SVIL: variants seen among roughly 807,000 people sequenced by gnomAD.
The protein encoded by SVIL is archvillin.
Under a neutral mutation model 240.4 loss-of-function variants are expected in SVIL, and 101 were observed. That is an observed-to-expected ratio of 0.42 (90% CI 0.36 to 0.50). The LOEUF is 0.50. SVIL is among the 20% of genes least tolerant of loss of function. SVIL has a pLI of 0.01. For synonymous variants in SVIL, 999 were observed against 1,100.0 expected (o/e 0.91, Z 1.82); for missense variants, 2,512 against 2,818.7 (o/e 0.89, Z 2.46).
chr10:29,458,404 C>T, intron 37 of SVIL, 30 bp downstream of exon 37: 1 of 1,600,604 alleles, frequency 6.2e-7, no homozygotes, highest in South Asian at 1.1e-5. Flanking sequence ...GTTTTACTCC[C>T]ATCCCCACCC....
intron 1 of SVIL, among the ~76,000 whole-genome samples, chr10:29,570,855 T>C (rs949859399): frequency 1.3e-5 from 2 of 152,202 alleles, no homozygotes; most frequent in African/African-American, 2.4e-5. Context: ...TTTGGAGAAA[T>C]GTGTATAAGT....
chr10:29,702,035 C>T (rs1011373827), intron 1 of SVIL, among the ~76,000 whole-genome samples: 3 of 151,692 alleles, frequency 2.0e-5, no homozygotes, highest in African/African-American at 4.8e-5. Flanking sequence ...ATTAGCCGGG[C>T]GTGGTGGCAG....
rs778714530 is a variant in SVIL, at chr10:29,488,681, A to G, written c.4268T>C (p.Leu1423Pro). ...ASKENFSNVS[L>P]RSVNLTEQNS... ...CTGTTCCGTCAGGTTGACGCTCCGC[A>G]GGCTGACGTTGCTGAAGTTTTCTTT... The change falls in exon 23 of 38, where the codon CTG becomes CCG. Residue 1423 changes from leucine to proline, a missense_variant. This residue lies in a region of SVIL where 272 missense variants were observed against 406.8 expected (regional missense o/e 0.67). Transcript: ENST00000355867. The G allele has an allele frequency of 4.3e-6, 7 of 1,613,068 alleles. No homozygotes were observed. Among genetic ancestry groups the G allele is most frequent in the Non-Finnish European group, 5.9e-6 (7 of 1,179,606 alleles).
chr10:29,688,859 C>G (rs576848397), intron 1 of SVIL, among the ~76,000 whole-genome samples: 1 of 152,118 alleles, frequency 6.6e-6, no homozygotes, highest in East Asian at 1.9e-4. Context: ...AATGTGAAAA[C>G]AGAGAAAAAT....
chr10:29,535,466 C>T (rs1816681751), intron 7 of SVIL, among the ~76,000 whole-genome samples: 1 of 152,168 alleles, frequency 6.6e-6, no homozygotes. Context: ...CCTCTCCCTG[C>T]CCCCAGTCTT....
rs1350517928 is a variant in SVIL, at chr10:29,512,848, T to C, written c.3403A>G (p.Lys1135Glu). 18 of 1,610,462 alleles carry C rather than the reference T, an allele frequency of 1.1e-5. No homozygotes were observed. The highest frequency in any genetic ancestry group is 1.3e-5 in the African/African-American group (1 of 74,842). ...MSIKERLALLKKSGEEDWRNR... is the reference protein window; with the variant it reads ...MSIKERLALLEKSGEEDWRNR... ...CTCCAATCTTCCTCCCCGCTTTTCT[T>C]CAACAGTGCCAATCTAGGAGGAAAA... Residue 1135 changes from lysine (K) to glutamate (E), a missense_variant, in exon 17 of 38, where the codon AAG becomes GAG. Transcript: ENST00000355867.
chr10:29,547,995 A>G (rs762787238), intron 6 of SVIL, among the ~76,000 whole-genome samples: 1 of 152,238 alleles, frequency 6.6e-6, no homozygotes, highest in African/African-American at 2.4e-5. Flanking sequence ...AAAGACCTTC[A>G]TTTCAAAATA....
chr10:29,678,059 T>C (rs546022668), intron 2 of SVIL, among the ~76,000 whole-genome samples: 33 of 152,262 alleles, frequency 2.2e-4, no homozygotes, highest in African/African-American at 7.9e-4. Context: ...ACAAAGGCTC[T>C]AGAACAGCAA....
intron 1 of SVIL, among the ~76,000 whole-genome samples, chr10:29,626,591 G>A (rs758978242): frequency 6.6e-6 from 1 of 151,992 alleles, no homozygotes; most frequent in Admixed American, 6.5e-5. Flanking sequence ...ACCACTTTGG[G>A]GTTTCACATC....
At chr10:29,552,695 C>T (rs1397229202) in intron 5 of SVIL, among the ~76,000 whole-genome samples, 1 of 152,034 alleles carries the variant, frequency 6.6e-6, no homozygotes, top group Non-Finnish European at 1.5e-5. Context: ...TTCATTCCAC[C>T]TGAATTAAAT....
At chr10:29,595,869 A>G (rs1320056716) in intron 1 of SVIL, among the ~76,000 whole-genome samples, 1 of 152,208 alleles carries the variant, frequency 6.6e-6, no homozygotes, top group Non-Finnish European at 1.5e-5. Flanking sequence ...CTAGGGAAAC[A>G]GTAGCTGCTC....
At chr10:29,694,377 G>T (rs750420069) in intron 1 of SVIL, among the ~76,000 whole-genome samples, 1 of 151,986 alleles carries the variant, frequency 6.6e-6, no homozygotes, top group African/African-American at 2.4e-5. Context: ...CTCCAACCTG[G>T]ATGACAGAGT....
chr10:29,543,979 G>T (rs1952399924), intron 6 of SVIL, among the ~76,000 whole-genome samples: 1 of 152,144 alleles, frequency 6.6e-6, no homozygotes. Flanking sequence ...GGCTGGCAGA[G>T]AATTGTATTA....
At chr10:29,651,863 C>T (rs1480833506) in intron 3 of SVIL, among the ~76,000 whole-genome samples, 4 of 152,030 alleles carry the variant, frequency 2.6e-5, no homozygotes. Flanking sequence ...AAAAAGAAAC[C>T]CTCCTAATCT....
At chr10:29,549,219 A>G (rs958984233) in intron 6 of SVIL, among the ~76,000 whole-genome samples, 2 of 146,312 alleles carry the variant, frequency 1.4e-5, no homozygotes, top group Non-Finnish European at 3.0e-5. Context: ...AAGGACATGA[A>G]CAGACACTTC....
intron 1 of SVIL, among the ~76,000 whole-genome samples, chr10:29,722,120 T>G (rs1485251373): frequency 6.6e-6 from 1 of 151,574 alleles, no homozygotes; most frequent in South Asian, 2.1e-4. Flanking sequence ...CATCTGTAAT[T>G]CCAGCTACTG....
At chr10:29,725,108 T>C (rs1412210771) in intron 1 of SVIL, among the ~76,000 whole-genome samples, 1 of 151,144 alleles carries the variant, frequency 6.6e-6, no homozygotes, top group Non-Finnish European at 1.5e-5. Context: ...TTCCTCATTA[T>C]GGCACACAGT....
chr10:29,604,368 T>A (rs1443247901), intron 1 of SVIL, among the ~76,000 whole-genome samples: 1 of 131,010 alleles, frequency 7.6e-6, no homozygotes, highest in South Asian at 2.6e-4. Context: ...TCTGGCTTTT[T>A]TTTTTTTTTT....
At chr10:29,719,565 A>G (rs1431327989) in intron 1 of SVIL, among the ~76,000 whole-genome samples, 1 of 152,266 alleles carries the variant, frequency 6.6e-6, no homozygotes, top group Non-Finnish European at 1.5e-5. Flanking sequence ...CCAAGAGTTA[A>G]GAAAGGTATT....
Sources: allele counts gnomAD v4.1 joint callset (sites outside exome capture counted in the v4.1 genomes callset), GRCh38; gene constraint gnomAD v4.1.1; regional missense constraint gnomAD v4.1.1; transcripts MANE v1.5; gene names NCBI Gene and HGNC (gene_info 2026-07-23, HGNC 2026-07-21).